Variants in PITPNB observed in about 807,000 individuals in gnomAD.
PITPNB encodes the protein phosphatidylinositol transfer protein beta.
Under a neutral mutation model 45.9 loss-of-function variants are expected in PITPNB, and 16 were observed. The observed-to-expected ratio is 0.35, with a 90% CI of 0.24 to 0.53. The LOEUF (loss-of-function observed/expected upper bound fraction) is 0.53. PITPNB is among the 20% of genes least tolerant of loss of function. PITPNB has a pLI of 0.93. For missense variants in PITPNB, 188 were observed against 330.5 expected, an observed-to-expected ratio of 0.57 and a Z score of 3.34; for synonymous variants, 112 against 108.9, an observed-to-expected ratio of 1.03 and a Z score of -0.18.
At chr22:27,897,071 T>C (rs1162278250) in intron 5 of PITPNB, 59 bp downstream of exon 5, 7 of 1,166,468 alleles carry the variant, frequency 6.0e-6, no homozygotes, top group South Asian at 3.7e-5. Flanking sequence ...AAATAATTAC[T>C]GTGTAAAACA....
At chr22:27,903,777 C>T (rs866123768) in intron 3 of PITPNB, among the ~76,000 whole-genome samples, 32 of 84,232 alleles carry the variant, frequency 3.8e-4, no homozygotes, top group Middle Eastern at 0.015. Context: ...CCCTGTCTCC[C>T]AAAAAAAAAA....
intron 3 of PITPNB, among the ~76,000 whole-genome samples, chr22:27,907,060 C>T (rs1935783707): frequency 6.6e-6 from 1 of 152,132 alleles, no homozygotes; most frequent in South Asian, 2.1e-4. Flanking sequence ...TGGCCTTAGT[C>T]AAGTTTGTAG....
At chr22:27,895,721 G>A (rs1331972682) in intron 6 of PITPNB, among the ~76,000 whole-genome samples, 1 of 152,142 alleles carries the variant, frequency 6.6e-6, no homozygotes, top group African/African-American at 2.4e-5. Context: ...CACCGTAATA[G>A]AACAGTAAAA....
At chr22:27,886,350 A>G (rs1935122405) in intron 7 of PITPNB, among the ~76,000 whole-genome samples, 1 of 152,224 alleles carries the variant, frequency 6.6e-6, no homozygotes. Context: ...GTCATCAACA[A>G]AAAGTCTTAA....
chr22:27,897,098 A>T, intron 5 of PITPNB, 32 bp downstream of exon 5: 1 of 1,466,594 alleles, frequency 6.8e-7, no homozygotes, highest in Non-Finnish European at 9.6e-7. Context: ...AAAGATAAAG[A>T]AAGTATGAGA....
At chr22:27,906,267 C>T (rs1035040503) in intron 3 of PITPNB, among the ~76,000 whole-genome samples, 10 of 152,212 alleles carry the variant, frequency 6.6e-5, no homozygotes, top group African/African-American at 2.4e-4. Context: ...GGATTGCTTA[C>T]AGCCAAGGGT....
intron 3 of PITPNB, among the ~76,000 whole-genome samples, chr22:27,902,566 TTAAA>T (rs1444358605): frequency 3.3e-5 from 5 of 152,112 alleles, no homozygotes; most frequent in African/African-American, 1.2e-4. Flanking sequence ...GGATAAAGAC[TTAAA>T]TAAAAACTAA....
intron 7 of PITPNB, among the ~76,000 whole-genome samples, chr22:27,891,939 C>A (rs1441075269): frequency 6.6e-6 from 1 of 152,114 alleles, no homozygotes; most frequent in Non-Finnish European, 1.5e-5. Context: ...CCAACTTGTC[C>A]AAGATTAAAT....
At chr22:27,879,297 A>C (rs1015211019) in intron 7 of PITPNB, among the ~76,000 whole-genome samples, 1 of 152,244 alleles carries the variant, frequency 6.6e-6, no homozygotes, top group Non-Finnish European at 1.5e-5. Flanking sequence ...AAAGGTTACA[A>C]ACAGATGGCT....
At chr22:27,909,370 T>C (rs1207448479) in intron 3 of PITPNB, among the ~76,000 whole-genome samples, 3 of 151,956 alleles carry the variant, frequency 2.0e-5, no homozygotes, top group Non-Finnish European at 4.4e-5. Context: ...TTGGCCAGCA[T>C]TTTTTGTTTT....
At chr22:27,893,521 G>C (rs1414116647) in intron 7 of PITPNB, among the ~76,000 whole-genome samples, 2 of 147,496 alleles carry the variant, frequency 1.4e-5, no homozygotes, top group Non-Finnish European at 3.0e-5. Context: ...CTGACCTCGT[G>C]ATCTTCCTGC....
chr22:27,894,669 C>G, intron 6 of PITPNB, 31 bp from the exon 7 acceptor site: 1 of 1,242,330 alleles, frequency 8.0e-7, no homozygotes, highest in South Asian at 1.2e-5. Context: ...AGAAACAAAA[C>G]AAACTGTAGA....
intron 11 of PITPNB, among the ~76,000 whole-genome samples, chr22:27,853,912 TA>T (rs1934097948): frequency 2.0e-5 from 3 of 149,594 alleles, no homozygotes; most frequent in Admixed American, 1.4e-4. Flanking sequence ...TAGGAGAGTT[TA>T]ACAAAAGTAA....
chr22:27,897,618 T>C (rs923768125), intron 4 of PITPNB, among the ~76,000 whole-genome samples, 183 bp downstream of exon 4: 2 of 152,164 alleles, frequency 1.3e-5, no homozygotes, highest in African/African-American at 4.8e-5. Context: ...AACTTATGCC[T>C]GTCACAAAGT....
intron 9 of PITPNB, among the ~76,000 whole-genome samples, chr22:27,859,078 A>C (rs991317667): frequency 2.0e-5 from 3 of 152,232 alleles, no homozygotes; most frequent in Non-Finnish European, 4.4e-5. Context: ...TGGATTATTT[A>C]AGTTTTATTC....
At chr22:27,909,400 T>G (rs1270788126) in intron 3 of PITPNB, among the ~76,000 whole-genome samples, 1 of 151,840 alleles carries the variant, frequency 6.6e-6, no homozygotes, top group African/African-American at 2.4e-5. Flanking sequence ...ATGCCAAAGA[T>G]ACAGATTAGA....
chr22:27,861,659 G>GAC (rs1190863854), intron 8 of PITPNB, among the ~76,000 whole-genome samples: 4 of 152,196 alleles, frequency 2.6e-5, no homozygotes, highest in Non-Finnish European at 5.9e-5. Context: ...AAGCACCACA[G>GAC]ACAGCAGAGG....
At chr22:27,898,388 A>AAATTAACTG (rs1006076236) in intron 3 of PITPNB, among the ~76,000 whole-genome samples, 4 of 152,094 alleles carry the variant, frequency 2.6e-5, no homozygotes, top group Middle Eastern at 3.4e-3. Context: ...AGGAAAAAAA[A>AAATTAACTG]AATTAACTGT....
At chr22:27,855,226 C>T (rs1934137442) in intron 10 of PITPNB, among the ~76,000 whole-genome samples, 1 of 152,140 alleles carries the variant, frequency 6.6e-6, no homozygotes, top group Admixed American at 6.5e-5. Flanking sequence ...AAATTGTTTG[C>T]CAATATAATG....
Sources: gnomAD v4.1 joint callset for allele counts (sites outside exome capture counted in the v4.1 genomes callset) on GRCh38, gnomAD v4.1.1 for gene constraint, MANE v1.5 for transcripts, NCBI Gene and HGNC (gene_info 2026-07-23, HGNC 2026-07-21) for gene names.